PALM2AKAP2: variants seen among roughly 807,000 people sequenced by gnomAD.
PALM2AKAP2 encodes PALM2 and AKAP2 fusion.
In PALM2AKAP2, 37 loss-of-function variants were observed where a neutral mutation model predicts 71.5. The ratio of observed to expected loss-of-function variants is 0.52; its 90% CI spans 0.40 to 0.68. PALM2AKAP2 has a LOEUF of 0.68. PALM2AKAP2 is among the 30% of genes least tolerant of loss of function. PALM2AKAP2 has a pLI of 0.00. For synonymous variants in PALM2AKAP2, 468 were observed against 478.8 expected, an observed-to-expected ratio of 0.98 and a Z score of 0.29; for missense variants, 1,224 against 1,191.8, an observed-to-expected ratio of 1.03 and a Z score of -0.40.
chr9:109,812,018 C>G (rs1396213657), intron 1 of PALM2AKAP2, among the ~76,000 whole-genome samples: 1 of 152,246 alleles, frequency 6.6e-6, no homozygotes, highest in African/African-American at 2.4e-5. Context: ...AAAGGCTGGA[C>G]TTGAATATGC....
chr9:109,768,594 G>T (rs7850835), intron 1 of PALM2AKAP2, among the ~76,000 whole-genome samples: 11,753 of 152,120 alleles, frequency 0.077, 586 homozygotes, highest in Non-Finnish European at 0.1. Context: ...TACTTAAGTA[G>T]TTCCACACAG....
chr9:109,990,972 G>A (rs1832470565), intron 6 of PALM2AKAP2, among the ~76,000 whole-genome samples: 1 of 152,212 alleles, frequency 6.6e-6, no homozygotes, highest in Admixed American at 6.5e-5. Context: ...TCTTGGGCTA[G>A]TAGGGAAGTC....
intron 1 of PALM2AKAP2, among the ~76,000 whole-genome samples, chr9:110,119,356 AAAAAG>A (rs1373400933): frequency 2.0e-5 from 3 of 150,484 alleles, no homozygotes; most frequent in African/African-American, 7.5e-5. Flanking sequence ...AAAAAAAAAA[AAAAAG>A]AAAAGAAAAA....
chr9:109,917,124 G>A (rs941968409), intron 3 of PALM2AKAP2, among the ~76,000 whole-genome samples: 3 of 152,218 alleles, frequency 2.0e-5, no homozygotes, highest in Non-Finnish European at 4.4e-5. Context: ...AGGAGGGGTG[G>A]CTGCAGGGAA....
intron 1 of PALM2AKAP2, among the ~76,000 whole-genome samples, chr9:109,694,430 A>C (rs1432854537): frequency 6.6e-6 from 1 of 152,112 alleles, no homozygotes; most frequent in East Asian, 1.9e-4. Flanking sequence ...AATATAAACA[A>C]CAACCACTAT....
chr9:109,788,468 A>T (rs1474389583), intron 1 of PALM2AKAP2, among the ~76,000 whole-genome samples: 1 of 152,226 alleles, frequency 6.6e-6, no homozygotes, highest in African/African-American at 2.4e-5. Context: ...GGGTTCCTTA[A>T]AACACAGATT....
intron 6 of PALM2AKAP2, among the ~76,000 whole-genome samples, chr9:109,965,693 A>G (rs1325131140): frequency 6.6e-6 from 1 of 152,222 alleles, no homozygotes; most frequent in Non-Finnish European, 1.5e-5. Context: ...ACTTAATGCT[A>G]TCGAACTGTA....
chr9:110,066,508 G>A (rs1834082488), intron 1 of PALM2AKAP2, among the ~76,000 whole-genome samples: 1 of 152,114 alleles, frequency 6.6e-6, no homozygotes, highest in Non-Finnish European at 1.5e-5. Context: ...ACCAGCCTGG[G>A]CAGCATAGTG....
At chr9:109,763,333 G>A (rs79357806) in intron 1 of PALM2AKAP2, among the ~76,000 whole-genome samples, 6,139 of 152,154 alleles carry the variant, frequency 0.04, 185 homozygotes, top group Non-Finnish European at 0.052. Context: ...CCATAGAGCT[G>A]AGACCACGGG....
At chr9:109,842,040 G>A (rs1333873566) in intron 1 of PALM2AKAP2, among the ~76,000 whole-genome samples, 4 of 151,936 alleles carry the variant, frequency 2.6e-5, no homozygotes, top group South Asian at 2.1e-4. Flanking sequence ...GGAGGCCAGG[G>A]TCTAAACCCC....
In PALM2AKAP2 at chr9:110,091,564, G is replaced by A. The variant is rs568399261; in HGVS notation, c.156+42709G>A. ...TGCAATCTCTACCTCCCGGGTTCAT[G>A]CCATTCTCCTGCCTCAGCCTCCCGA... On this transcript the variant is annotated intron_variant, in intron 1 of 3. Transcript: ENST00000374525. Among the ~76,000 whole-genome samples the A allele has an allele frequency of 4.1e-5, 6 of 145,948 alleles. No homozygotes were observed. In the South Asian group the frequency reaches 1.1e-3, roughly 26 times the overall value.
chr9:110,137,406 G>T (rs1835910170), exon 2 of PALM2AKAP2: 1 of 1,614,048 alleles, frequency 6.2e-7, no homozygotes, highest in Non-Finnish European at 8.5e-7. Context: ...GCCGCCAAGG[G>T]ACAGAAATCC....
chr9:109,827,468 G>A (rs1828184080), intron 1 of PALM2AKAP2, among the ~76,000 whole-genome samples: 1 of 152,088 alleles, frequency 6.6e-6, no homozygotes, highest in Non-Finnish European at 1.5e-5. Flanking sequence ...AATTAGCCAG[G>A]CATGGTGGGG....
intron 6 of PALM2AKAP2, among the ~76,000 whole-genome samples, chr9:109,975,849 G>C (rs1346573027): frequency 3.3e-5 from 5 of 152,180 alleles, no homozygotes; most frequent in Non-Finnish European, 7.3e-5. Flanking sequence ...GGGGAACCAC[G>C]GGGCCTGTGC....
chr9:109,897,340 G>A (rs1336022006), intron 3 of PALM2AKAP2, among the ~76,000 whole-genome samples: 1 of 152,178 alleles, frequency 6.6e-6, no homozygotes, highest in Non-Finnish European at 1.5e-5. Context: ...CCAGCACTTT[G>A]GGAGGCTGAG....
chr9:109,795,141 G>C (rs1827216853), intron 1 of PALM2AKAP2, among the ~76,000 whole-genome samples: 1 of 152,170 alleles, frequency 6.6e-6, no homozygotes, highest in African/African-American at 2.4e-5. Context: ...TAGGATGTTA[G>C]TGGCATCCTT....
At chr9:109,945,617 T>C (rs1831484487) in intron 6 of PALM2AKAP2, 1 of 152,218 alleles carries the variant, frequency 6.6e-6, no homozygotes, top group African/African-American at 2.4e-5. Flanking sequence ...AAAGAAACAA[T>C]CTGAAAGCTT....
intron 3 of PALM2AKAP2, among the ~76,000 whole-genome samples, chr9:110,158,815 C>T (rs1836526308): frequency 6.6e-6 from 1 of 152,194 alleles, no homozygotes; most frequent in Non-Finnish European, 1.5e-5. Flanking sequence ...ACCAAGTTTG[C>T]TGTTGTTGAA....
At chr9:110,045,740 G>A (rs1364325432), upstream of PALM2AKAP2, among the ~76,000 whole-genome samples, 1 of 152,016 alleles carries the variant, frequency 6.6e-6, no homozygotes, top group Non-Finnish European at 1.5e-5. Flanking sequence ...GCTAATTTTT[G>A]TAGGTTTTTA....
Sources: allele counts gnomAD v4.1 joint callset (sites outside exome capture counted in the v4.1 genomes callset), GRCh38; gene constraint gnomAD v4.1.1; transcripts MANE v1.5; gene names NCBI Gene and HGNC (gene_info 2026-07-23, HGNC 2026-07-21).